ATXN7: variants seen among roughly 807,000 people sequenced by gnomAD.
ATXN7 encodes ataxin 7.
Under a neutral mutation model 70.5 loss-of-function variants are expected in ATXN7, and 12 were observed. The observed-to-expected ratio is 0.17, with a 90% CI of 0.11 to 0.28. The LOEUF is 0.28. ATXN7 is among the 10% of genes least tolerant of loss of function. The probability of loss-of-function intolerance (pLI) is 1.00; values close to 1 mark genes in which losing one functional copy is unlikely to be tolerated. For synonymous variants in ATXN7, 498 were observed against 448.7 expected (o/e 1.11, Z -1.39); for missense variants, 1,256 against 1,131.7 (o/e 1.11, Z -1.58).
chr3:63,984,404 G>A (rs1034526373), intron 8 of ATXN7, among the ~76,000 whole-genome samples: 2 of 152,070 alleles, frequency 1.3e-5, no homozygotes, highest in African/African-American at 4.8e-5. Flanking sequence ...TGGTGTAGTG[G>A]TGGTGGTGTA....
At chr3:63,985,481 T>G (rs555046744) in intron 8 of ATXN7, among the ~76,000 whole-genome samples, 1 of 152,338 alleles carries the variant, frequency 6.6e-6, no homozygotes, top group South Asian at 2.1e-4. Context: ...TTGTCAGTTC[T>G]TTTCCTTTTC....
intron 4 of ATXN7, among the ~76,000 whole-genome samples, chr3:63,937,190 G>A (rs1373793038): frequency 1.3e-5 from 2 of 152,198 alleles, no homozygotes; most frequent in Admixed American, 1.3e-4. Context: ...AAGGCAGTGT[G>A]TCGACTGTTT....
At chr3:63,866,127 G>C (rs1702419234) in intron 1 of ATXN7, among the ~76,000 whole-genome samples, 1 of 152,064 alleles carries the variant, frequency 6.6e-6, no homozygotes, top group African/African-American at 2.4e-5. Flanking sequence ...ATTTCTATAA[G>C]TTAATTTGAT....
intron 4 of ATXN7, among the ~76,000 whole-genome samples, chr3:63,927,070 G>C (rs945471847): frequency 1.3e-5 from 2 of 152,128 alleles, no homozygotes; most frequent in African/African-American, 4.8e-5. Flanking sequence ...ATCATTCATG[G>C]GCATTTGGGT....
intron 4 of ATXN7, among the ~76,000 whole-genome samples, chr3:63,932,227 TTTTGC>T (rs2074560114): frequency 6.6e-6 from 1 of 152,208 alleles, no homozygotes; most frequent in African/African-American, 2.4e-5. Flanking sequence ...AAATGTTTTG[TTTTGC>T]TTAGTGCATT....
chr3:63,946,723 A>G (rs993832917), intron 4 of ATXN7, among the ~76,000 whole-genome samples: 5 of 152,082 alleles, frequency 3.3e-5, no homozygotes, highest in African/African-American at 9.6e-5. Flanking sequence ...AATCACATTG[A>G]CTGAGGCTGG....
At chr3:63,967,865 A>G in intron 5 of ATXN7, 1 of 1,534,348 alleles carries the variant, frequency 6.5e-7, no homozygotes, top group Non-Finnish European at 8.7e-7. Flanking sequence ...ATCATGATGC[A>G]AGCCTGCAGT....
intron 4 of ATXN7, among the ~76,000 whole-genome samples, chr3:63,930,718 G>A (rs1008885958): frequency 2.6e-5 from 4 of 152,020 alleles, no homozygotes; most frequent in African/African-American, 9.7e-5. Context: ...TTTTATTAGA[G>A]ACGGGGTTTC....
At chr3:63,883,502 C>A (rs1702980278) in intron 1 of ATXN7, among the ~76,000 whole-genome samples, 1 of 151,750 alleles carries the variant, frequency 6.6e-6, no homozygotes, top group Non-Finnish European at 1.5e-5. Context: ...AAGCTCCAGG[C>A]TCTGTGTTTG....
At chr3:63,873,040 G>A (rs949868347) in intron 1 of ATXN7, among the ~76,000 whole-genome samples, 13 of 152,094 alleles carry the variant, frequency 8.5e-5, no homozygotes, top group African/African-American at 1.2e-4. Context: ...GGGAGGAAGC[G>A]TAGTTTTTAA....
Position 63,912,701 on chromosome 3 carries a change from CAGCA to C in ATXN7, c.104_107del (p.Gln35ArgfsTer54). On this transcript the variant is annotated frameshift_variant, in exon 3 of 13. Coordinates refer to ENST00000674280, the MANE Select transcript of ATXN7 (RefSeq NM_001377405.1). LOFTEE classifies it high-confidence loss of function. ...GGCCGCCCGGCAGCAGCAGCAGCAG[CAGCA>C]GCAGCAGCAGCCGCCGCCTCCGCAG... is the stretch of plus-strand genomic sequence containing the variant. 1 of 1,181,920 alleles carries C rather than the reference CAGCA, an allele frequency of 8.5e-7. No individual in the cohort carries two copies. Among genetic ancestry groups the C allele is most frequent in the East Asian group, 4.6e-5 (1 of 21,914 alleles). 73.2% of individuals were successfully genotyped at this position (1,181,920 alleles called of 1,614,324 possible). A position where few individuals can be genotyped will look rare whatever the true frequency, so the allele number is the denominator to read the frequency against.
At chr3:63,966,544 AT>A (rs1245923568) in intron 5 of ATXN7, among the ~76,000 whole-genome samples, 19 of 152,092 alleles carry the variant, frequency 1.2e-4, no homozygotes, top group African/African-American at 3.4e-4. Flanking sequence ...ATAGTTTTGG[AT>A]TGTATGAACG....
At chr3:63,957,882 T>C (rs2075064495) in intron 5 of ATXN7, among the ~76,000 whole-genome samples, 1 of 152,218 alleles carries the variant, frequency 6.6e-6, no homozygotes, top group Non-Finnish European at 1.5e-5. Flanking sequence ...GCCTTAGCCC[T>C]AGGAAATAAC....
At chr3:63,918,800 C>T (rs116453786) in intron 4 of ATXN7, among the ~76,000 whole-genome samples, 140 of 152,276 alleles carry the variant, frequency 9.2e-4, no homozygotes, top group African/African-American at 3.2e-3. Flanking sequence ...AGACAGGAAT[C>T]GGTAAAATCC....
intron 8 of ATXN7, 58 bp downstream of exon 8, chr3:63,983,079 G>A (rs2075516663): frequency 7.7e-7 from 1 of 1,301,134 alleles, no homozygotes; most frequent in Non-Finnish European, 1.1e-6. Context: ...TGACTGGGAT[G>A]TACCACACTA....
chr3:63,879,809 C>T (rs1457361551), intron 1 of ATXN7, among the ~76,000 whole-genome samples: 7 of 152,062 alleles, frequency 4.6e-5, no homozygotes, highest in South Asian at 2.1e-4. Context: ...TGTGGCCAGT[C>T]GCGGTGGCTC....
chr3:63,920,434 G>C (rs1223415948), intron 4 of ATXN7, among the ~76,000 whole-genome samples: 2 of 152,132 alleles, frequency 1.3e-5, no homozygotes, highest in African/African-American at 4.8e-5. Flanking sequence ...CTGTAACCCA[G>C]ATCTGTCTAA....
At chr3:63,980,827 AG>A (rs528156571) in intron 6 of ATXN7, among the ~76,000 whole-genome samples, 3 of 152,198 alleles carry the variant, frequency 2.0e-5, no homozygotes, top group African/African-American at 7.2e-5. Context: ...CGGAGCAAAT[AG>A]GGAAGCAGTG....
At chr3:63,954,315 T>C (rs2075003285) in intron 5 of ATXN7, among the ~76,000 whole-genome samples, 1 of 152,200 alleles carries the variant, frequency 6.6e-6, no homozygotes, top group Admixed American at 6.5e-5. Flanking sequence ...GGCCCCGGAT[T>C]GGCAACAAGG....
Sources: gnomAD v4.1 joint callset for allele counts (sites outside exome capture counted in the v4.1 genomes callset) on GRCh38, gnomAD v4.1.1 for gene constraint, MANE v1.5 for transcripts, NCBI Gene and HGNC (gene_info 2026-07-23, HGNC 2026-07-21) for gene names.